The following TSHZ1 variants were observed in gnomAD, a reference collection of about 807,000 sequenced individuals.
The protein encoded by TSHZ1 is teashirt zinc finger homeobox 1.
In TSHZ1, 12 loss-of-function variants were observed where a neutral mutation model predicts 67.1. That is an observed-to-expected ratio of 0.18 (90% CI 0.11 to 0.29). TSHZ1 has a LOEUF of 0.29. Among genes scored for constraint, TSHZ1 ranks in the 10% least tolerant of loss-of-function variants. The pLI, the probability that TSHZ1 is intolerant of heterozygous loss-of-function variation, is 1.00. For synonymous variants in TSHZ1, 632 were observed against 622.4 expected (o/e 1.02, Z -0.23); for missense variants, 1,305 against 1,413.9 (o/e 0.92, Z 1.23).
intron 1 of TSHZ1, among the ~76,000 whole-genome samples, chr18:75,246,176 C>T (rs1426334518): frequency 6.6e-6 from 1 of 152,198 alleles, no homozygotes; most frequent in Non-Finnish European, 1.5e-5. Flanking sequence ...GTTAGTTGGG[C>T]ATTTCCTACG....
At position 75,286,179 on chromosome 18, in the gene TSHZ1, C is replaced by T. The variant is rs373856574; in HGVS notation, c.772C>T (p.Leu258=). Residue 258 remains leucine, a synonymous_variant, in exon 2 of 2, where the codon CTG becomes TTG. Transcript: ENST00000580243. This position sits in a 1 kb window ranked among gnomAD's most constrained non-coding sequence, Gnocchi z 5.1. ...AGACTGCAGTGCCGCGTACGACACG[C>T]TGGTGGAACTGACGGTGCACATGAA... ...CKDCSAAYDT[L]VELTVHMNET... is the part of the protein sequence containing the mutation. 4.2e-5 allele frequency: 67 copies of T among 1,614,002 alleles called. No homozygotes were observed. Among genetic ancestry groups the T allele is most frequent in the Admixed American group, 1.2e-4 (7 of 60,010 alleles).
chr18:75,288,723 A>T lies in TSHZ1; in HGVS notation c.*82A>T. The T allele has an allele frequency of 6.0e-6, 9 of 1,507,652 alleles. No individual in the cohort carries two copies. Among genetic ancestry groups the T allele is most frequent in the Non-Finnish European group, 8.0e-6 (9 of 1,131,296 alleles). The allele number at this position is 1,507,652 out of a possible 1,614,324, so 93.4% of individuals were successfully genotyped here. ...AGGCCTGGCCTGAGCCTCTGAAATC[A>T]GTCTTTCCTTTGTTGCTGGCCCGCC... On this transcript the variant is annotated 3_prime_UTR_variant, in exon 2 of 2. Coordinates refer to ENST00000580243, the MANE Select transcript of TSHZ1 (RefSeq NM_001308210.2). The surrounding 1 kb of genome is among the most constrained non-coding windows in gnomAD (Gnocchi z 4.9).
chr18:75,221,921 A>G (rs1023478703), intron 1 of TSHZ1, among the ~76,000 whole-genome samples: 1 of 152,096 alleles, frequency 6.6e-6, no homozygotes, highest in Non-Finnish European at 1.5e-5. Flanking sequence ...ATACATATGT[A>G]TATAGATTAA....
At chr18:75,274,257 T>C (rs2023589930) in intron 1 of TSHZ1, among the ~76,000 whole-genome samples, 1 of 152,198 alleles carries the variant, frequency 6.6e-6, no homozygotes, top group African/African-American at 2.4e-5. Flanking sequence ...ATGTCATTTA[T>C]TTCTATACGT....
At position 75,211,743 on chromosome 18, in the gene TSHZ1, C is replaced by G. The variant is rs1342408276; in HGVS notation, c.-134C>G. On this transcript the variant is annotated 5_prime_UTR_variant, in exon 1 of 2. Coordinates refer to ENST00000580243, the MANE Select transcript of TSHZ1 (RefSeq NM_001308210.2). ...GGCTCCCCGCGGTCCGCGGCGCGCC[C>G]GGAGCCCGGAGCCCGCGGGGACGAG... is the stretch of plus-strand genomic sequence containing the variant. The G allele has an allele frequency of 2.4e-6, 1 of 415,910 alleles. No homozygotes were observed. Among genetic ancestry groups the G allele is most frequent in the Non-Finnish European group, 3.2e-6 (1 of 312,238 alleles). 25.8% of individuals were successfully genotyped at this position (415,910 alleles called of 1,614,324 possible).
intron 1 of TSHZ1, among the ~76,000 whole-genome samples, chr18:75,226,886 TC>T (rs1429157580): frequency 6.6e-6 from 1 of 152,136 alleles, no homozygotes; most frequent in Non-Finnish European, 1.5e-5. Flanking sequence ...TTACTGTAAG[TC>T]CTTCAACCTT....
rs377165453 is a variant in TSHZ1 at position 75,248,817 on chromosome 18, C to T, written c.41-36631C>T. On this transcript the variant is annotated intron_variant, in intron 1 of 1. Transcript: ENST00000580243. ...TTGCGAGTGTGATGGTTTAATTACCCTCTGTGGTGTCTGCACGCTCTGCTA... is the reference window on the plus strand; with the variant it reads ...TTGCGAGTGTGATGGTTTAATTACCTTCTGTGGTGTCTGCACGCTCTGCTA... 4.8e-4 allele frequency among the ~76,000 whole-genome samples: 73 copies of T among 152,312 alleles called. 1 individual carries two copies. The South Asian group carries it at 0.014, about 30-fold the overall frequency.
intron 1 of TSHZ1, among the ~76,000 whole-genome samples, chr18:75,230,838 A>G (rs1453722586): frequency 6.6e-6 from 1 of 152,224 alleles, no homozygotes; most frequent in Non-Finnish European, 1.5e-5. Flanking sequence ...GGAAACTCAC[A>G]GATACTCTTC....
chr18:75,285,427 G>A lies in TSHZ1; in HGVS notation c.41-21G>A, dbSNP rs188431507. 1.3e-3 allele frequency: 1,823 copies of A among 1,436,474 alleles called. 2 individuals carry two copies. The highest frequency in any genetic ancestry group is 4.5e-3 in the Admixed American group (158 of 34,826). The allele number at this position is 1,436,474 out of a possible 1,614,324, so 89.0% of individuals were successfully genotyped here. A position where few individuals can be genotyped will look rare whatever the true frequency, so the allele number is the denominator to read the frequency against. On this transcript the variant is annotated intron_variant, in intron 1 of 1. Coordinates refer to ENST00000580243, the MANE Select transcript of TSHZ1 (RefSeq NM_001308210.2). Reference sequence around the variant, plus strand: ...GAAGATGATTTACTTCTTCTAACTGGGTTTCATTTTTCTCTCCTAGCTTAT... The same window carrying A: ...GAAGATGATTTACTTCTTCTAACTGAGTTTCATTTTTCTCTCCTAGCTTAT...
intron 1 of TSHZ1, among the ~76,000 whole-genome samples, chr18:75,251,489 T>C (rs1433488695): frequency 9.3e-6 from 1 of 107,508 alleles, no homozygotes; most frequent in East Asian, 2.9e-4. Context: ...ATTCTTTCTT[T>C]AGGGTTTTTT....
At chr18:75,282,469 C>T (rs1019266407) in intron 1 of TSHZ1, among the ~76,000 whole-genome samples, 3 of 152,146 alleles carry the variant, frequency 2.0e-5, no homozygotes, top group Non-Finnish European at 4.4e-5. Context: ...AATTGTGTCC[C>T]CGTCATTCAT....
At position 75,289,042 on chromosome 18, in the gene TSHZ1, CTG is replaced by C. The variant is rs2023826153; in HGVS notation, c.*403_*404del. 5.9e-6 allele frequency: 1 copy of C among 168,762 alleles called. No individual in the cohort carries two copies. The highest frequency in any genetic ancestry group is 2.1e-4 in the South Asian group (1 of 4,740). The allele number at this position is 168,762 out of a possible 1,614,324, so 10.5% of individuals were successfully genotyped here. A position where few individuals can be genotyped will look rare whatever the true frequency, so the allele number is the denominator to read the frequency against. On this transcript the variant is annotated 3_prime_UTR_variant, in exon 2 of 2. Coordinates refer to ENST00000580243, the MANE Select transcript of TSHZ1 (RefSeq NM_001308210.2). ...AGTGTCAAATTTAACCCTTTGAGGA[CTG>C]TAATTGCATTTCTGTGCCTTTCACT...
intron 1 of TSHZ1, among the ~76,000 whole-genome samples, chr18:75,228,861 A>G (rs1026690988): frequency 1.1e-4 from 16 of 152,266 alleles, no homozygotes; most frequent in African/African-American, 3.4e-4. Flanking sequence ...GCATTCACTC[A>G]GACACCAGGG....
At position 75,287,965 on chromosome 18, in the gene TSHZ1, C is replaced by T. The variant is rs2023804555; in HGVS notation, c.2558C>T (p.Pro853Leu). 6.2e-7 allele frequency: 1 copy of T among 1,614,062 alleles called. No homozygotes were observed. The highest frequency in any genetic ancestry group is 1.3e-5 in the African/African-American group (1 of 74,936). The change falls in exon 2 of 2, where the codon CCC becomes CTC. Residue 853 changes from proline (P) to leucine (L), a missense_variant. Physicochemically the swap from Pro to Leu is moderately conservative, Grantham distance 98 (BLOSUM62 -3). This residue lies in a region of TSHZ1 where 909 missense variants were observed against 961.8 expected (regional missense o/e 0.95). Transcript: ENST00000580243. The surrounding 1 kb of genome is among the most constrained non-coding windows in gnomAD (Gnocchi z 5.0). The stretch of plus-strand genomic sequence containing the variant: ...AAAAACCTCACAGGCCGCCTGACGC[C>T]CAAGTCCTCCACGCCCTCCACAGTT... ...MVKNLTGRLT[P>L]KSSTPSTVSE...
intron 1 of TSHZ1, among the ~76,000 whole-genome samples, chr18:75,213,355 A>G (rs975738934): frequency 1.3e-5 from 2 of 152,264 alleles, no homozygotes; most frequent in African/African-American, 4.8e-5. Context: ...GAAACCTTTC[A>G]AAGAGAGTAT....
intron 1 of TSHZ1, among the ~76,000 whole-genome samples, chr18:75,217,461 T>G (rs1035859757): frequency 2.0e-5 from 3 of 152,142 alleles, no homozygotes; most frequent in Admixed American, 6.5e-5. Context: ...GTTTGTTTTG[T>G]TTTGGTTTCT....
At chr18:75,263,177 T>A (rs546973347) in intron 1 of TSHZ1, among the ~76,000 whole-genome samples, 99 of 152,278 alleles carry the variant, frequency 6.5e-4, no homozygotes, top group East Asian at 1.5e-3. Flanking sequence ...TATCTTTTTT[T>A]AAAAAAATTC....
In TSHZ1 at chr18:75,263,696, T is replaced by C. The variant is rs140695484; in HGVS notation, c.41-21752T>C. ...ATTTCATACAGATACAATAATTCAG[T>C]GTGAAGGAAAATCAGTGTTTTCTTG... On this transcript the variant is annotated intron_variant, in intron 1 of 1. Coordinates refer to ENST00000580243, the MANE Select transcript of TSHZ1 (RefSeq NM_001308210.2). Among the ~76,000 whole-genome samples, 913 of 152,314 alleles carry C rather than the reference T, an allele frequency of 6.0e-3. 13 individuals are homozygous for C. The highest frequency in any genetic ancestry group is 0.021 in the African/African-American group (858 of 41,558).
chr18:75,227,244 T>TA (rs2022938481), intron 1 of TSHZ1, among the ~76,000 whole-genome samples: 1 of 151,956 alleles, frequency 6.6e-6, no homozygotes, highest in Admixed American at 6.5e-5. Flanking sequence ...TTTTTTTTTT[T>TA]AGAGTCTGCC....
Sources: allele counts gnomAD v4.1 joint callset (sites outside exome capture counted in the v4.1 genomes callset), GRCh38; gene constraint gnomAD v4.1.1; regional missense constraint gnomAD v4.1.1; non-coding constraint Gnocchi (gnomAD v3.1); transcripts MANE v1.5; gene names NCBI Gene and HGNC (gene_info 2026-07-23, HGNC 2026-07-21).